Variants in EIF3H observed in about 807,000 individuals in gnomAD.
The protein encoded by EIF3H is eIF-3-gamma.
EIF3H carries 26 observed loss-of-function variants against 44.2 expected under a neutral mutation model. That is an observed-to-expected ratio of 0.59 (90% CI 0.43 to 0.82). The LOEUF (loss-of-function observed/expected upper bound fraction) is 0.82, where lower values mean the gene tolerates loss of function less well. EIF3H is among the 40% of genes least tolerant of loss of function. The pLI is 0.00. For synonymous variants in EIF3H, 166 were observed against 151.9 expected, an observed-to-expected ratio of 1.09 and a Z score of -0.68; for missense variants, 359 against 432.8, an observed-to-expected ratio of 0.83 and a Z score of 1.51.
chr8:116,697,258 C>A (rs1563645333), intron 2 of EIF3H: 26 of 436,606 alleles, frequency 6.0e-5, no homozygotes, highest in Admixed American at 2.7e-4. Flanking sequence ...TCAGAAGAAA[C>A]AAAAAAAGAA....
chr8:116,701,299 C>G (rs1456519520), intron 2 of EIF3H, among the ~76,000 whole-genome samples: 2 of 152,166 alleles, frequency 1.3e-5, no homozygotes, highest in African/African-American at 4.8e-5. Flanking sequence ...AAATAAATCT[C>G]AGCCCCTGAG....
intron 2 of EIF3H, 136 bp from the exon 3 acceptor site, chr8:116,659,116 T>A: frequency 1.4e-6 from 1 of 712,218 alleles, no homozygotes; most frequent in Non-Finnish European, 2.2e-6. Flanking sequence ...AGATTTAAAA[T>A]TCATTCAGTT....
intron 2 of EIF3H, among the ~76,000 whole-genome samples, chr8:116,710,638 A>G (rs189419788): frequency 6.6e-6 from 1 of 152,370 alleles, no homozygotes; most frequent in East Asian, 1.9e-4. Flanking sequence ...AGTAAATACA[A>G]TATGTCTACA....
chr8:116,748,414 AATC>A (rs1410355650), intron 1 of EIF3H, among the ~76,000 whole-genome samples: 1 of 152,244 alleles, frequency 6.6e-6, no homozygotes, highest in Non-Finnish European at 1.5e-5. Context: ...ACAGATAAGA[AATC>A]AACAAATAAA....
At chr8:116,763,066 C>T (rs748372386) in intron 1 of EIF3H, among the ~76,000 whole-genome samples, 14 of 152,202 alleles carry the variant, frequency 9.2e-5, no homozygotes, top group Non-Finnish European at 1.3e-4. Context: ...GGTGAAAATT[C>T]ATAGTCTGTG....
chr8:116,665,637 T>G (rs1409780219), intron 2 of EIF3H, among the ~76,000 whole-genome samples: 1 of 152,234 alleles, frequency 6.6e-6, no homozygotes, highest in Non-Finnish European at 1.5e-5. Flanking sequence ...TCCTATCTGT[T>G]CTGGCATGGG....
chr8:116,673,401 T>C (rs1370824403), intron 2 of EIF3H, among the ~76,000 whole-genome samples: 9 of 152,338 alleles, frequency 5.9e-5, no homozygotes, highest in African/African-American at 9.6e-5. Context: ...TTAGATGCGG[T>C]TTTCAAAAAT....
At chr8:116,674,044 T>A (rs1290358433) in intron 2 of EIF3H, among the ~76,000 whole-genome samples, 1 of 104,254 alleles carries the variant, frequency 9.6e-6, no homozygotes, top group Non-Finnish European at 1.7e-5. Flanking sequence ...CACTCCAGCC[T>A]GGGGAACACA....
chr8:116,654,705 T>C (rs1019424255), intron 5 of EIF3H, among the ~76,000 whole-genome samples: 5 of 152,178 alleles, frequency 3.3e-5, no homozygotes, highest in African/African-American at 9.6e-5. Flanking sequence ...GCTGTGTTAC[T>C]GAGCACTCCA....
At chr8:116,687,022 G>T (rs1814089689) in intron 2 of EIF3H, among the ~76,000 whole-genome samples, 1 of 152,158 alleles carries the variant, frequency 6.6e-6, no homozygotes, top group Non-Finnish European at 1.5e-5. Context: ...TCAGACAAGG[G>T]TTTAGTTGAA....
intron 2 of EIF3H, among the ~76,000 whole-genome samples, chr8:116,705,679 A>G (rs892383332): frequency 2.6e-5 from 4 of 152,112 alleles, no homozygotes; most frequent in Admixed American, 1.3e-4. Context: ...GGAAACAAGA[A>G]AAGACTGAGA....
At chr8:116,681,783 A>G (rs944431391) in intron 2 of EIF3H, among the ~76,000 whole-genome samples, 1 of 152,222 alleles carries the variant, frequency 6.6e-6, no homozygotes, top group Admixed American at 6.5e-5. Context: ...ATTCTTTTCT[A>G]AATTCTGTAA....
intron 2 of EIF3H, among the ~76,000 whole-genome samples, chr8:116,673,023 A>AC (rs927290109): frequency 6.6e-5 from 10 of 151,378 alleles, no homozygotes; most frequent in Non-Finnish European, 1.5e-4. Flanking sequence ...AAAAAAAAAA[A>AC]ACACCACAAA....
chr8:116,688,843 T>A (rs1221861923), intron 2 of EIF3H, among the ~76,000 whole-genome samples: 1 of 152,168 alleles, frequency 6.6e-6, no homozygotes, highest in Non-Finnish European at 1.5e-5. Flanking sequence ...TATCTTGATT[T>A]AAAAAATAAT....
intron 1 of EIF3H, among the ~76,000 whole-genome samples, chr8:116,750,979 G>A (rs1233932211): frequency 8.6e-5 from 13 of 151,278 alleles, no homozygotes; most frequent in Admixed American, 3.9e-4. Context: ...TTGGGAGGCC[G>A]AGGCGGGCGG....
chr8:116,756,191 A>G (rs963764123), upstream of EIF3H, among the ~76,000 whole-genome samples: 3 of 152,212 alleles, frequency 2.0e-5, no homozygotes, highest in African/African-American at 7.2e-5. Flanking sequence ...TAGAAAACTG[A>G]TAAGTGATTT....
chr8:116,671,966 T>A (rs559088157), intron 2 of EIF3H, among the ~76,000 whole-genome samples: 1 of 152,170 alleles, frequency 6.6e-6, no homozygotes, highest in Non-Finnish European at 1.5e-5. Flanking sequence ...GAGAAAAACC[T>A]CCGCAAAACC....
chr8:116,675,268 T>C (rs1813830765), intron 2 of EIF3H, among the ~76,000 whole-genome samples: 1 of 152,220 alleles, frequency 6.6e-6, no homozygotes, highest in Non-Finnish European at 1.5e-5. Flanking sequence ...ATTTACACTC[T>C]TGTTTTTCAA....
intron 2 of EIF3H, among the ~76,000 whole-genome samples, chr8:116,686,049 A>G (rs1306325477): frequency 6.6e-6 from 1 of 152,184 alleles, no homozygotes; most frequent in Non-Finnish European, 1.5e-5. Context: ...TTTACCCAGC[A>G]TTTTAATACA....
Sources: gnomAD v4.1 joint callset for allele counts (sites outside exome capture counted in the v4.1 genomes callset) on GRCh38, gnomAD v4.1.1 for gene constraint, MANE v1.5 for transcripts, NCBI Gene and HGNC (gene_info 2026-07-23, HGNC 2026-07-21) for gene names.